The following PPP2R2B variants were observed in gnomAD, a reference collection of about 807,000 sequenced individuals.
PPP2R2B encodes protein phosphatase 2 regulatory subunit Bbeta.
A neutral mutation model predicts 46.0 loss-of-function variants in PPP2R2B; 5 were observed. The ratio of observed to expected loss-of-function variants is 0.11; its 90% CI spans 0.06 to 0.23. The LOEUF (loss-of-function observed/expected upper bound fraction) is 0.23, where lower values mean the gene tolerates loss of function less well. Among genes scored for constraint, PPP2R2B ranks in the 10% least tolerant of loss-of-function variants. The pLI is 1.00. For synonymous variants in PPP2R2B, 215 were observed against 206.7 expected (o/e 1.04, Z -0.34); for missense variants, 367 against 575.0 (o/e 0.64, Z 3.70).
At chr5:146,653,350 T>C (rs887499849) in intron 5 of PPP2R2B, among the ~76,000 whole-genome samples, 16 of 152,272 alleles carry the variant, frequency 1.1e-4, no homozygotes, top group South Asian at 1.0e-3. Flanking sequence ...GTATTCATAG[T>C]AGTGTGGTAG....
intron 5 of PPP2R2B, among the ~76,000 whole-genome samples, chr5:146,651,021 T>C (rs890797319): frequency 1.5e-4 from 23 of 152,338 alleles, no homozygotes; most frequent in African/African-American, 5.5e-4. Context: ...TTGGCTTCCA[T>C]TGTGGAGTCA....
chr5:146,668,703 T>C (rs1385431470), intron 5 of PPP2R2B, among the ~76,000 whole-genome samples: 1 of 152,232 alleles, frequency 6.6e-6, no homozygotes, highest in Non-Finnish European at 1.5e-5. Flanking sequence ...ACATGAACTG[T>C]TGAGTTTTCT....
chr5:146,912,949 C>A lies in PPP2R2B; in HGVS notation c.79+142716G>T, dbSNP rs549001766. Among the ~76,000 whole-genome samples, 3 of 152,258 alleles carry A rather than the reference C, an allele frequency of 2.0e-5. No individual in the cohort carries two copies. In the East Asian group the frequency reaches 5.8e-4, roughly 29 times the overall value. On this transcript the variant is annotated intron_variant, in intron 1 of 8. Coordinates refer to the PPP2R2B transcript ENST00000336640. ...TCTGGGGATTATATGCTGGTAAGTT[C>A]AAATCCTATCTATAGCCAAGAAACT...
chr5:146,962,344 G>T (rs1033773736), intron 1 of PPP2R2B, among the ~76,000 whole-genome samples: 14 of 151,728 alleles, frequency 9.2e-5, no homozygotes, highest in Admixed American at 6.6e-4. Context: ...GAGAGAAAGA[G>T]AATGTGTGTG....
chr5:146,711,096 G>A (rs866932401), intron 2 of PPP2R2B, among the ~76,000 whole-genome samples: 1 of 152,134 alleles, frequency 6.6e-6, no homozygotes, highest in Non-Finnish European at 1.5e-5. Context: ...CTAATCATTA[G>A]CATTTATCAC....
intron 2 of PPP2R2B, among the ~76,000 whole-genome samples, chr5:146,829,253 G>A (rs1421457698): frequency 6.6e-6 from 1 of 152,074 alleles, no homozygotes; most frequent in Middle Eastern, 3.2e-3. Flanking sequence ...ATCCTGCTAA[G>A]TAAATAAGAA....
At chr5:146,794,078 T>C (rs1405688852) in intron 2 of PPP2R2B, among the ~76,000 whole-genome samples, 1 of 152,216 alleles carries the variant, frequency 6.6e-6, no homozygotes, top group Non-Finnish European at 1.5e-5. Flanking sequence ...TTTGACTCTG[T>C]CCAATAACTC....
intron 7 of PPP2R2B, among the ~76,000 whole-genome samples, chr5:146,601,148 C>T (rs1331188950): frequency 6.6e-6 from 1 of 152,196 alleles, no homozygotes; most frequent in African/African-American, 2.4e-5. Context: ...AATAGTATTC[C>T]ATTGTATGAA....
intron 1 of PPP2R2B, among the ~76,000 whole-genome samples, chr5:146,984,697 C>T (rs1431266209): frequency 6.6e-6 from 1 of 151,894 alleles, no homozygotes; most frequent in Non-Finnish European, 1.5e-5. Flanking sequence ...CAGCAGTGTA[C>T]AAGGGTTCCT....
chr5:146,864,491 G>C (rs1427674777), intron 2 of PPP2R2B, among the ~76,000 whole-genome samples: 1 of 147,938 alleles, frequency 6.8e-6, no homozygotes, highest in Non-Finnish European at 1.5e-5. Context: ...CATACTGGTT[G>C]TCATACTGGG....
intron 1 of PPP2R2B, among the ~76,000 whole-genome samples, chr5:146,982,808 T>G (rs1467951605): frequency 6.6e-6 from 1 of 152,162 alleles, no homozygotes; most frequent in East Asian, 1.9e-4. Context: ...TCTTTAAATT[T>G]ATTTGCTTTA....
intron 1 of PPP2R2B, among the ~76,000 whole-genome samples, chr5:146,985,712 TC>T (rs1753396771): frequency 6.6e-6 from 1 of 152,164 alleles, no homozygotes; most frequent in Non-Finnish European, 1.5e-5. Flanking sequence ...GTATTGAAAG[TC>T]CTTTGTCAGA....
intron 5 of PPP2R2B, among the ~76,000 whole-genome samples, chr5:146,669,075 A>G (rs1459691293): frequency 2.6e-5 from 4 of 152,230 alleles, no homozygotes; most frequent in Non-Finnish European, 5.9e-5. Flanking sequence ...GAGGGAAAAG[A>G]GAACAAATGT....
chr5:146,780,006 T>C (rs1755413211), intron 2 of PPP2R2B, among the ~76,000 whole-genome samples: 1 of 152,178 alleles, frequency 6.6e-6, no homozygotes, highest in Non-Finnish European at 1.5e-5. Flanking sequence ...TTCCATAGAG[T>C]AGCTCAAACT....
Position 146,622,861 on chromosome 5 carries a change from T to C in PPP2R2B, c.790+15390A>G, listed in dbSNP as rs550952190. Among the ~76,000 whole-genome samples the C allele has an allele frequency of 7.2e-5, 11 of 152,356 alleles. No individual in the cohort carries two copies. The South Asian group carries it at 2.3e-3, about 32-fold the overall frequency. On this transcript the variant is annotated intron_variant, in intron 7 of 9. Transcript: ENST00000394411. ...ATATATAACTCAGTATACCATTTTG[T>C]ACTGGGGTCTATTATATAGATCATA...
chr5:146,681,085 G>A lies in PPP2R2B; in HGVS notation c.447+10043C>T, dbSNP rs146567101. Among the ~76,000 whole-genome samples, 164 of 152,196 alleles carry A rather than the reference G, an allele frequency of 1.1e-3. 5 individuals are homozygous for A. In the East Asian group the frequency reaches 0.026, roughly 24 times the overall value. On this transcript the variant is annotated intron_variant, in intron 5 of 9. Coordinates refer to ENST00000394411, the MANE Select transcript of PPP2R2B (RefSeq NM_181675.4). ...TACATCAATGCATCAGTCGAAGCCC[G>A]GCTTGCAACGTACTAGGATCAAAGT...
chr5:146,980,071 A>G (rs906176866), intron 1 of PPP2R2B, among the ~76,000 whole-genome samples: 13 of 152,352 alleles, frequency 8.5e-5, no homozygotes, highest in African/African-American at 3.1e-4. Flanking sequence ...TCCATAATTT[A>G]TAGGTGAGAT....
chr5:146,772,349 C>T (rs1259465686), intron 2 of PPP2R2B, among the ~76,000 whole-genome samples: 7 of 141,006 alleles, frequency 5.0e-5, no homozygotes, highest in African/African-American at 1.8e-4. Context: ...TATATTTTAA[C>T]ATCCTAAAAT....
intron 2 of PPP2R2B, among the ~76,000 whole-genome samples, chr5:146,872,716 T>G (rs1160709132): frequency 6.6e-6 from 1 of 152,214 alleles, no homozygotes; most frequent in African/African-American, 2.4e-5. Flanking sequence ...GACTGGACTC[T>G]TCTTATCCTA....
Sources: gnomAD v4.1 joint callset for allele counts (sites outside exome capture counted in the v4.1 genomes callset) on GRCh38, gnomAD v4.1.1 for gene constraint, MANE v1.5 for transcripts, NCBI Gene and HGNC (gene_info 2026-07-23, HGNC 2026-07-21) for gene names.